SLC24A2: variants seen among roughly 807,000 people sequenced by gnomAD.
SLC24A2 encodes the protein sodium/potassium/calcium exchanger 2.
In SLC24A2, 36 loss-of-function variants were observed where a neutral mutation model predicts 62.0. The observed-to-expected ratio is 0.58, with a 90% confidence interval of 0.44 to 0.77. The LOEUF (loss-of-function observed/expected upper bound fraction) is 0.77, where lower values mean the gene tolerates loss of function less well. Ranked by LOEUF, SLC24A2 falls within the 30% of genes least tolerant of loss-of-function variation. The probability of loss-of-function intolerance (pLI) is 0.00; values close to 1 mark genes in which losing one functional copy is unlikely to be tolerated. For missense variants in SLC24A2, 846 were observed against 817.9 expected (o/e 1.03, Z -0.42); for synonymous variants, 358 against 294.0 (o/e 1.22, Z -2.23).
the SLC24A2 span, among the ~76,000 whole-genome samples, chr9:19,989,696 G>A: frequency 6.6e-6 from 1 of 151,938 alleles, no homozygotes; most frequent in Non-Finnish European, 1.5e-5. Context: ...CCCTTCTCTT[G>A]CAAAGGAACC....
intron 2 of SLC24A2, among the ~76,000 whole-genome samples, chr9:19,732,307 C>T (rs530160696): frequency 1.3e-5 from 2 of 152,112 alleles, no homozygotes; most frequent in African/African-American, 4.8e-5. Context: ...TTTCCACAGT[C>T]TGATTAGCTT....
chr9:20,212,609 C>G, the SLC24A2 span, among the ~76,000 whole-genome samples: 4 of 151,578 alleles, frequency 2.6e-5, no homozygotes, highest in Non-Finnish European at 2.9e-5. Context: ...CCAGAACCCT[C>G]TCTGTTTTAG....
the SLC24A2 span, among the ~76,000 whole-genome samples, chr9:19,958,549 C>T: frequency 6.0e-4 from 92 of 152,192 alleles, 1 homozygote; most frequent in Admixed American, 6.0e-3. Flanking sequence ...TCGGCGAGCA[C>T]GTGCTGTGCA....
intron 4 of SLC24A2, among the ~76,000 whole-genome samples, chr9:19,614,414 G>T (rs2117849048): frequency 6.6e-6 from 1 of 152,216 alleles, no homozygotes; most frequent in Non-Finnish European, 1.5e-5. Flanking sequence ...GGCCAACTTT[G>T]TCCCCCCTAC....
the SLC24A2 span, among the ~76,000 whole-genome samples, chr9:19,857,779 A>T: frequency 6.0e-5 from 9 of 151,196 alleles, no homozygotes; most frequent in African/African-American, 2.2e-4. Context: ...GATTTATCAG[A>T]ATTTAGGATT....
chr9:20,221,551 A>T, the SLC24A2 span, among the ~76,000 whole-genome samples: 4 of 151,478 alleles, frequency 2.6e-5, no homozygotes, highest in Non-Finnish European at 5.9e-5. Flanking sequence ...GAAAAGAAAG[A>T]TTTAAAACCA....
At chr9:20,174,199 C>G in the SLC24A2 span, among the ~76,000 whole-genome samples, 2,444 of 152,132 alleles carry the variant, frequency 0.016, 44 homozygotes, top group African/African-American at 0.044. Context: ...AAAATCAACT[C>G]AAGACGGATT....
intron 7 of SLC24A2, among the ~76,000 whole-genome samples, chr9:19,560,144 T>C (rs1217326276): frequency 6.6e-6 from 1 of 152,168 alleles, no homozygotes; most frequent in Non-Finnish European, 1.5e-5. Flanking sequence ...TCATTTGCTT[T>C]TCTTCTTTGA....
chr9:19,771,688 G>A (rs1400788950), intron 2 of SLC24A2, among the ~76,000 whole-genome samples: 1 of 152,176 alleles, frequency 6.6e-6, no homozygotes, highest in Non-Finnish European at 1.5e-5. Flanking sequence ...TGAACCAATT[G>A]TGCATTTTTG....
the SLC24A2 span, among the ~76,000 whole-genome samples, chr9:20,195,707 C>T: frequency 6.6e-6 from 1 of 152,094 alleles, no homozygotes; most frequent in Non-Finnish European, 1.5e-5. Context: ...TCCTGATGAA[C>T]TGCTCCCTCA....
At chr9:20,216,287 A>C in the SLC24A2 span, among the ~76,000 whole-genome samples, 7 of 152,332 alleles carry the variant, frequency 4.6e-5, no homozygotes, top group African/African-American at 1.7e-4. Context: ...GACCTGTCAG[A>C]GATTAAACTT....
the SLC24A2 span, among the ~76,000 whole-genome samples, chr9:20,253,773 G>T: frequency 3.3e-5 from 5 of 152,160 alleles, no homozygotes; most frequent in Non-Finnish European, 1.5e-5. Context: ...AACCACACTT[G>T]GAGGAGAGAG....
At chr9:19,717,102 C>G (rs1225295036) in intron 2 of SLC24A2, among the ~76,000 whole-genome samples, 1 of 152,132 alleles carries the variant, frequency 6.6e-6, no homozygotes, top group Admixed American at 6.5e-5. Context: ...AGTGAGAGTT[C>G]TTCCCGACAT....
chr9:20,001,538 A>G, the SLC24A2 span, among the ~76,000 whole-genome samples: 3 of 152,168 alleles, frequency 2.0e-5, no homozygotes, highest in African/African-American at 7.2e-5. Context: ...GGTAAATCAC[A>G]TGGGAATCAA....
At chr9:19,888,249 A>G in the SLC24A2 span, among the ~76,000 whole-genome samples, 5 of 152,208 alleles carry the variant, frequency 3.3e-5, no homozygotes, top group South Asian at 8.3e-4. Flanking sequence ...ATATAATAGA[A>G]TGATGTTTCT....
At chr9:20,302,753 T>G in the SLC24A2 span, among the ~76,000 whole-genome samples, 2 of 152,240 alleles carry the variant, frequency 1.3e-5, no homozygotes, top group Non-Finnish European at 2.9e-5. Context: ...TTATCAATTA[T>G]TTCTTTCATG....
At chr9:20,159,255 C>A in the SLC24A2 span, among the ~76,000 whole-genome samples, 5 of 151,532 alleles carry the variant, frequency 3.3e-5, no homozygotes, top group African/African-American at 1.2e-4. Flanking sequence ...CAACTTTTTT[C>A]CCCCATTAAC....
the SLC24A2 span, among the ~76,000 whole-genome samples, chr9:20,204,672 C>T: frequency 6.6e-6 from 1 of 150,796 alleles, no homozygotes; most frequent in African/African-American, 2.4e-5. Flanking sequence ...GACATACTTA[C>T]AATGAAACAA....
the SLC24A2 span, among the ~76,000 whole-genome samples, chr9:20,008,536 T>A: frequency 6.6e-6 from 1 of 152,150 alleles, no homozygotes; most frequent in South Asian, 2.1e-4. Flanking sequence ...CAACTCTCAC[T>A]ACATAGCCAC....
Sources: gnomAD v4.1 joint callset for allele counts (sites outside exome capture counted in the v4.1 genomes callset) on GRCh38, gnomAD v4.1.1 for gene constraint, MANE v1.5 for transcripts, NCBI Gene and HGNC (gene_info 2026-07-23, HGNC 2026-07-21) for gene names.